The following BSCL2 variants were observed in gnomAD, a reference collection of about 807,000 sequenced individuals.
BSCL2 encodes the protein seipin.
In BSCL2, 41 loss-of-function variants were observed where a neutral mutation model predicts 57.4. The ratio of observed to expected loss-of-function variants is 0.71; its 90% CI spans 0.56 to 0.93. The LOEUF (loss-of-function observed/expected upper bound fraction) is 0.93. Ranked by LOEUF, BSCL2 falls within the 40% of genes least tolerant of loss-of-function variation. The probability of loss-of-function intolerance (pLI) is 0.00; values close to 1 mark genes in which losing one functional copy is unlikely to be tolerated. For synonymous variants in BSCL2, 237 were observed against 227.3 expected (o/e 1.04, Z -0.38); for missense variants, 539 against 586.7 (o/e 0.92, Z 0.84).
intron 3 of BSCL2, 55 bp from the exon 4 acceptor site, chr11:62,694,766 G>GTC: frequency 6.3e-7 from 1 of 1,577,352 alleles, no homozygotes; most frequent in Non-Finnish European, 8.6e-7. Flanking sequence ...AAAATGTACT[G>GTC]TCTCTATTCC....
chr11:62,704,030 G>A (rs998847388), intron 2 of BSCL2, among the ~76,000 whole-genome samples: 1 of 151,242 alleles, frequency 6.6e-6, no homozygotes, highest in Non-Finnish European at 1.5e-5. Flanking sequence ...CTGAGGCAAG[G>A]CAGGAGAATG....
intron 3 of BSCL2, among the ~76,000 whole-genome samples, chr11:62,699,874 C>G (rs12291596): frequency 2.8e-4 from 43 of 151,008 alleles, no homozygotes; most frequent in African/African-American, 1.0e-3. Context: ...AGACGGGGTT[C>G]GACTGTGTTG....
intron 2 of BSCL2, 69 bp downstream of exon 2, chr11:62,705,232 A>C: frequency 6.9e-7 from 1 of 1,454,584 alleles, no homozygotes; most frequent in South Asian, 1.2e-5. Context: ...AGGGGATTGA[A>C]CTGAATGAAC....
chr11:62,700,636 C>T (rs1032608652), intron 3 of BSCL2, among the ~76,000 whole-genome samples: 3 of 151,804 alleles, frequency 2.0e-5, no homozygotes, highest in East Asian at 1.9e-4. Context: ...AAAGAAACTC[C>T]GTCTCAAATA....
At chr11:62,703,846 G>A (rs2957116) in intron 2 of BSCL2, among the ~76,000 whole-genome samples, 108,039 of 151,356 alleles carry the variant, frequency 0.71, 39,456 homozygotes, top group Admixed American at 0.81. Context: ...TAGGCCGGGC[G>A]CAGTGGCTCA....
At chr11:62,694,478 T>A in intron 4 of BSCL2, 90 bp downstream of exon 4, 1 of 1,595,062 alleles carries the variant, frequency 6.3e-7, no homozygotes, top group South Asian at 1.1e-5. Context: ...CTGCTGGGAT[T>A]ATAGGCCTGA....
chr11:62,708,250 G>A (rs773175220), upstream of BSCL2: 8 of 1,210,106 alleles, frequency 6.6e-6, no homozygotes, highest in South Asian at 8.4e-5. Flanking sequence ...ATGGAGGGGG[G>A]CCTCCAGCTG....
intron 1 of BSCL2, 143 bp from the exon 2 acceptor site, chr11:62,705,760 A>G (rs953471509): frequency 2.4e-6 from 2 of 829,858 alleles, no homozygotes; most frequent in Non-Finnish European, 3.6e-6. Context: ...TCTCCAAATG[A>G]TTGTGCCACT....
rs1218843697 is a variant in BSCL2, at chr11:62,690,323, T to G, written c.*44A>C. ...TGAAGGAAAAACGAGGGGAGAGGAG[T>G]CAGGTGGGAAAGTGCTGGAATGTGA... On this transcript the variant is annotated 3_prime_UTR_variant, in exon 11 of 11. Transcript: ENST00000360796. The G allele has an allele frequency of 2.7e-5, 44 of 1,610,088 alleles. No individual in the cohort carries two copies. Among genetic ancestry groups the G allele is most frequent in the Non-Finnish European group, 3.7e-5 (44 of 1,178,994 alleles).
In BSCL2 at chr11:62,691,345, C is replaced by G; in HGVS notation, c.940G>C (p.Val314Leu). The change falls in exon 7 of 11, where the codon GTG becomes CTG. Residue 314 changes from valine to leucine, a missense_variant. Coordinates refer to ENST00000360796, the MANE Select transcript of BSCL2 (RefSeq NM_001122955.4). ...ASNFTFLSVI[V>L]LFSYMQWVWG... ...ACCCACTGCATGTAGCTGAAGAGCA[C>G]GATGACGCTGAGGAAGGTGAAGTTG... 1 of 1,614,102 alleles carries G rather than the reference C, an allele frequency of 6.2e-7. No homozygotes were observed. The highest frequency in any genetic ancestry group is 8.5e-7 in the Non-Finnish European group (1 of 1,180,028).
intron 3 of BSCL2, among the ~76,000 whole-genome samples, chr11:62,700,822 G>A (rs1219513268): frequency 6.6e-6 from 1 of 151,718 alleles, no homozygotes; most frequent in Non-Finnish European, 1.5e-5. Context: ...GTGTGGTGGT[G>A]GGCACCTGTA....
rs1434874435 is a variant in BSCL2 at position 62,702,560 on chromosome 11, T to C, written c.405-11A>G. Reference sequence around the variant, plus strand: ...GAATCACAGTCGGTCCTAAATGAGATTGGAGGAGGATACTCTGCTAAGTTA... The same window carrying C: ...GAATCACAGTCGGTCCTAAATGAGACTGGAGGAGGATACTCTGCTAAGTTA... On this transcript the variant is annotated splice_polypyrimidine_tract_variant and intron_variant, in intron 2 of 10. Transcript: ENST00000360796. 6 of 1,606,172 alleles carry C rather than the reference T, an allele frequency of 3.7e-6. No homozygotes were observed. The highest frequency in any genetic ancestry group is 1.3e-5 in the African/African-American group (1 of 74,676).
chr11:62,692,404 G>A lies in BSCL2; in HGVS notation c.835C>T (p.Arg279Cys), dbSNP rs759231362. The A allele has an allele frequency of 3.2e-5, 52 of 1,614,036 alleles. No homozygotes were observed. Among genetic ancestry groups the A allele is most frequent in the Non-Finnish European group, 4.2e-5 (50 of 1,180,040 alleles). ...AGCCCAGTGAAGTGCGCGTGGATGC[G>A]GAGGTAGGCTCCATACAGCTGGATG... ...KRIQLYGAYL[R>C]IHAHFTGLRY... Residue 279 changes from arginine (R) to cysteine (C), a missense_variant, in exon 6 of 11, where the codon CGC (arginine) becomes TGC (cysteine). This residue lies in a region of BSCL2 where 248 missense variants were observed against 239.9 expected (regional missense o/e 1.03). Coordinates refer to ENST00000360796, the MANE Select transcript of BSCL2 (RefSeq NM_001122955.4).
chr11:62,692,290 A>T, intron 6 of BSCL2, 86 bp downstream of exon 6: 2 of 1,390,190 alleles, frequency 1.4e-6, no homozygotes, highest in Non-Finnish European at 2.0e-6. Context: ...TGCTCTGTAA[A>T]CCCATTACCT....
rs1316605177 is a variant in BSCL2 at position 62,702,538 on chromosome 11, TCA to T, written c.414_415del (p.Cys138Ter). The T allele has an allele frequency of 1.2e-6, 2 of 1,611,726 alleles. No homozygotes were observed. The highest frequency in any genetic ancestry group is 2.2e-5 in the East Asian group (1 of 44,798). ...GGAGCAGAGTGAGGTGGTGGAGGAA[TCA>T]CAGTCGGTCCTAAATGAGATTGGAG... is the stretch of plus-strand genomic sequence containing the variant. On this transcript the variant is annotated stop_gained and frameshift_variant, in exon 3 of 11. Transcript: ENST00000360796. LOFTEE classifies it high-confidence loss of function.
At chr11:62,709,307 A>T (rs1287286595), upstream of BSCL2, 5 of 454,150 alleles carry the variant, frequency 1.1e-5, no homozygotes, top group Admixed American at 1.2e-4. Flanking sequence ...ATCGTCAAGG[A>T]TCGGAGATCA....
At chr11:62,699,840 G>A (rs146417700) in intron 3 of BSCL2, among the ~76,000 whole-genome samples, 2 of 151,784 alleles carry the variant, frequency 1.3e-5, no homozygotes, top group African/African-American at 4.8e-5. Context: ...CACCACACCT[G>A]GCTAATTTTT....
At chr11:62,708,304 T>A (rs1228612898), upstream of BSCL2, 10 of 1,610,544 alleles carry the variant, frequency 6.2e-6, no homozygotes, top group Non-Finnish European at 8.5e-6. Context: ...GGATGAAAGG[T>A]GAGACCCCGG....
At chr11:62,706,350 G>C (rs911048681) in intron 1 of BSCL2, 45 of 1,094,068 alleles carry the variant, frequency 4.1e-5, no homozygotes, top group Non-Finnish European at 5.0e-5. Context: ...TTGTAGCCGT[G>C]GGAGGCGGGG....
Sources: allele counts gnomAD v4.1 joint callset (sites outside exome capture counted in the v4.1 genomes callset), GRCh38; gene constraint gnomAD v4.1.1; regional missense constraint gnomAD v4.1.1; transcripts MANE v1.5; gene names NCBI Gene and HGNC (gene_info 2026-07-23, HGNC 2026-07-21).